Variants in AOPEP observed in about 807,000 individuals in gnomAD.
AOPEP encodes aminopeptidase O.
In AOPEP, 77 loss-of-function variants were observed where a neutral mutation model predicts 98.1. That is an observed-to-expected ratio of 0.78 (90% CI 0.65 to 0.95). The LOEUF (loss-of-function observed/expected upper bound fraction) is 0.95, where lower values mean the gene tolerates loss of function less well. Among genes scored for constraint, AOPEP ranks in the 40% least tolerant of loss-of-function variants. AOPEP has a pLI of 0.00. For synonymous variants in AOPEP, 346 were observed against 365.3 expected, an observed-to-expected ratio of 0.95 and a Z score of 0.60; for missense variants, 1,024 against 1,024.7, an observed-to-expected ratio of 1.00 and a Z score of 0.01.
intron 5 of AOPEP, among the ~76,000 whole-genome samples, chr9:94,880,777 G>A (rs2047492172): frequency 6.6e-6 from 1 of 152,164 alleles, no homozygotes; most frequent in Non-Finnish European, 1.5e-5. Context: ...AAAAAGCTCT[G>A]CCAGCTGAGC....
chr9:94,867,297 A>G (rs993862527), intron 5 of AOPEP, among the ~76,000 whole-genome samples: 4 of 152,230 alleles, frequency 2.6e-5, no homozygotes, highest in Non-Finnish European at 4.4e-5. Context: ...GTTTAGAAGT[A>G]CTTGCTATTT....
the AOPEP span, among the ~76,000 whole-genome samples, chr9:95,140,802 A>G: frequency 6.6e-6 from 1 of 152,176 alleles, no homozygotes; most frequent in Non-Finnish European, 1.5e-5. Context: ...GATCTAAGCA[A>G]TGCATCATAA....
At chr9:94,988,759 T>C (rs973077875) in intron 11 of AOPEP, among the ~76,000 whole-genome samples, 4 of 152,246 alleles carry the variant, frequency 2.6e-5, no homozygotes, top group Admixed American at 6.5e-5. Context: ...ATCAGAATCA[T>C]GTAGGAGGCG....
intron 13 of AOPEP, among the ~76,000 whole-genome samples, chr9:95,045,107 C>T (rs901262078): frequency 1.3e-5 from 2 of 152,284 alleles, no homozygotes; most frequent in Admixed American, 6.5e-5. Flanking sequence ...CGCTTGTGCC[C>T]AAGGTCACAA....
At chr9:95,060,842 C>A in intron 14 of AOPEP, 32 bp downstream of exon 14, 1 of 1,323,490 alleles carries the variant, frequency 7.6e-7, no homozygotes, top group Non-Finnish European at 1.1e-6. Flanking sequence ...GTTTAACCAG[C>A]AGGTCCCCAC....
At chr9:94,991,417 C>A (rs72750368) in intron 11 of AOPEP, among the ~76,000 whole-genome samples, 1 of 152,120 alleles carries the variant, frequency 6.6e-6, no homozygotes, top group South Asian at 2.1e-4. Flanking sequence ...GAGTGCAGTG[C>A]GTCTTCTTCT....
At chr9:94,821,245 A>G (rs758017994) in intron 5 of AOPEP, among the ~76,000 whole-genome samples, 2 of 152,200 alleles carry the variant, frequency 1.3e-5, no homozygotes, top group Non-Finnish European at 2.9e-5. Flanking sequence ...GGGGACCTGC[A>G]GCAGGGCTTT....
At chr9:95,006,549 C>T (rs2062034740) in intron 13 of AOPEP, among the ~76,000 whole-genome samples, 1 of 152,102 alleles carries the variant, frequency 6.6e-6, no homozygotes, top group African/African-American at 2.4e-5. Context: ...GCAGAGTGCA[C>T]GTCAGGATAC....
intron 5 of AOPEP, among the ~76,000 whole-genome samples, chr9:94,861,048 T>G (rs1474653707): frequency 6.6e-6 from 1 of 152,164 alleles, no homozygotes. Context: ...TGCTATGAGA[T>G]TCTTTGGTCT....
intron 5 of AOPEP, among the ~76,000 whole-genome samples, chr9:94,815,346 C>G (rs909492423): frequency 6.6e-6 from 1 of 152,128 alleles, no homozygotes; most frequent in African/African-American, 2.4e-5. Flanking sequence ...CCACTGACAC[C>G]CATGACAGTG....
intron 10 of AOPEP, 152 bp downstream of exon 10, chr9:94,967,953 A>G (rs75090270): frequency 0.025 from 16,851 of 672,316 alleles, 491 homozygotes; most frequent in African/African-American, 0.082. Flanking sequence ...GTACAGGATC[A>G]TCAGCCAACC....
chr9:95,125,243 A>C, the AOPEP span: 1 of 1,370,298 alleles, frequency 7.3e-7, no homozygotes, highest in South Asian at 1.2e-5. Flanking sequence ...CAAACATGAA[A>C]ACCTGCACTG....
intron 1 of AOPEP, among the ~76,000 whole-genome samples, chr9:94,743,232 G>GGAA (rs749524705): frequency 7.8e-6 from 1 of 128,288 alleles, no homozygotes. Flanking sequence ...AAGAAGAAGA[G>GGAA]GAAGAAGAAG....
At chr9:94,823,441 T>C (rs1489998085) in intron 5 of AOPEP, among the ~76,000 whole-genome samples, 1 of 152,242 alleles carries the variant, frequency 6.6e-6, no homozygotes, top group Non-Finnish European at 1.5e-5. Context: ...TGGAAATTCA[T>C]TTTGTTGAAC....
chr9:94,812,769 C>T (rs1018014843), intron 5 of AOPEP, among the ~76,000 whole-genome samples: 3 of 152,172 alleles, frequency 2.0e-5, no homozygotes, highest in Non-Finnish European at 4.4e-5. Context: ...CTGTTGTTTA[C>T]ACCCACAGCC....
intron 7 of AOPEP, chr9:94,928,889 C>A (rs1229051659): frequency 1.0e-5 from 2 of 198,694 alleles, no homozygotes; most frequent in Non-Finnish European, 1.0e-5. Context: ...GGAAAAAAAT[C>A]TTTAGGAAAA....
intron 5 of AOPEP, among the ~76,000 whole-genome samples, chr9:94,853,443 G>A (rs540079149): frequency 1.3e-5 from 2 of 152,096 alleles, no homozygotes; most frequent in South Asian, 2.1e-4. Flanking sequence ...GTGGGCAACA[G>A]AGTGAGACTC....
At chr9:94,946,998 A>G (rs2057707434) in intron 7 of AOPEP, among the ~76,000 whole-genome samples, 1 of 147,714 alleles carries the variant, frequency 6.8e-6, no homozygotes, top group South Asian at 2.1e-4. Context: ...TTTTTTCGAG[A>G]TAGAGTCTCG....
At chr9:94,911,011 C>A (rs1161076245) in intron 5 of AOPEP, among the ~76,000 whole-genome samples, 1 of 152,146 alleles carries the variant, frequency 6.6e-6, no homozygotes. Flanking sequence ...ATTGTAGATA[C>A]TGTCATTACT....
Sources: gnomAD v4.1 joint callset for allele counts (sites outside exome capture counted in the v4.1 genomes callset) on GRCh38, gnomAD v4.1.1 for gene constraint, MANE v1.5 for transcripts, NCBI Gene and HGNC (gene_info 2026-07-23, HGNC 2026-07-21) for gene names.